Variants in PPM1H observed in about 807,000 individuals in gnomAD.
The protein encoded by PPM1H is protein phosphatase, Mg2+/Mn2+ dependent 1H.
In PPM1H, 27 loss-of-function variants were observed where a neutral mutation model predicts 54.9. The observed-to-expected ratio is 0.49, with a 90% CI of 0.36 to 0.68. The LOEUF (loss-of-function observed/expected upper bound fraction) is 0.68, where lower values mean the gene tolerates loss of function less well. Ranked by LOEUF, PPM1H falls within the 30% of genes least tolerant of loss-of-function variation. The pLI is 0.00. For missense variants in PPM1H, 596 were observed against 667.8 expected (o/e 0.89, Z 1.19); for synonymous variants, 305 against 270.8 (o/e 1.13, Z -1.24).
chr12:62,865,084 T>C (rs1189096447), intron 1 of PPM1H, among the ~76,000 whole-genome samples: 1 of 152,108 alleles, frequency 6.6e-6, no homozygotes, highest in African/African-American at 2.4e-5. Context: ...CCAAATCCTG[T>C]GGATAATTAT....
chr12:62,753,584 C>G (rs779812405), intron 4 of PPM1H, among the ~76,000 whole-genome samples: 25 of 152,212 alleles, frequency 1.6e-4, no homozygotes, highest in South Asian at 2.1e-4. Context: ...ATCCTCACCC[C>G]CTACTCTTGA....
chr12:62,882,348 A>G (rs1370196604), intron 1 of PPM1H, among the ~76,000 whole-genome samples: 1 of 152,266 alleles, frequency 6.6e-6, no homozygotes, highest in Non-Finnish European at 1.5e-5. Context: ...GGTGAGAGGT[A>G]TAACAGGTGC....
chr12:62,723,516 C>A (rs756619602), intron 5 of PPM1H, among the ~76,000 whole-genome samples: 1 of 152,068 alleles, frequency 6.6e-6, no homozygotes. Context: ...GAAGGTAGAG[C>A]CCTCGTGAAT....
At chr12:62,692,399 T>C (rs1186562018) in intron 7 of PPM1H, among the ~76,000 whole-genome samples, 1 of 152,256 alleles carries the variant, frequency 6.6e-6, no homozygotes, top group East Asian at 1.9e-4. Flanking sequence ...CTCCTTCAAA[T>C]CTTACTGCTA....
At chr12:62,784,670 C>T (rs1398227072) in intron 4 of PPM1H, among the ~76,000 whole-genome samples, 1 of 152,202 alleles carries the variant, frequency 6.6e-6, no homozygotes, top group African/African-American at 2.4e-5. Flanking sequence ...GCTCGTCAAT[C>T]AGTGATAATG....
chr12:62,892,943 T>G (rs952095907), intron 1 of PPM1H, among the ~76,000 whole-genome samples: 2 of 152,178 alleles, frequency 1.3e-5, no homozygotes, highest in Non-Finnish European at 2.9e-5. Context: ...AAAGTCCTGG[T>G]CCCTCACTTG....
intron 4 of PPM1H, among the ~76,000 whole-genome samples, chr12:62,784,276 A>G (rs2076658571): frequency 6.6e-6 from 1 of 152,278 alleles, no homozygotes; most frequent in Middle Eastern, 3.4e-3. Context: ...GAATGGTCCT[A>G]TGTCCTCTGA....
intron 4 of PPM1H, among the ~76,000 whole-genome samples, chr12:62,786,275 T>C (rs2076670874): frequency 6.6e-6 from 1 of 152,234 alleles, no homozygotes; most frequent in African/African-American, 2.4e-5. Flanking sequence ...CAGTGTGTTT[T>C]AAAAGCCCCT....
chr12:62,649,938 C>T lies in PPM1H; in HGVS notation c.1398-1302G>A, dbSNP rs533916405. On this transcript the variant is annotated intron_variant, in intron 9 of 9. Transcript: ENST00000228705. Reference sequence around the variant, plus strand: ...AAATCATCAAGATAATAAATGTCACCGTATAAGTCCTCTTGGAAGCCAGCC... The same window carrying T: ...AAATCATCAAGATAATAAATGTCACTGTATAAGTCCTCTTGGAAGCCAGCC... Among the ~76,000 whole-genome samples, 147 of 152,264 alleles carry T rather than the reference C, an allele frequency of 9.7e-4. 1 individual carries two copies. Among genetic ancestry groups the T allele is most frequent in the African/African-American group, 3.3e-3 (137 of 41,556 alleles).
At chr12:62,662,929 T>C (rs1388980563) in intron 9 of PPM1H, among the ~76,000 whole-genome samples, 2 of 152,236 alleles carry the variant, frequency 1.3e-5, no homozygotes, top group East Asian at 1.9e-4. Context: ...TTAATGTCTA[T>C]ATCCCTAAAC....
intron 9 of PPM1H, 89 bp from the exon 10 acceptor site, chr12:62,648,725 A>G (rs2075800135): frequency 1.4e-6 from 2 of 1,381,294 alleles, no homozygotes; most frequent in Admixed American, 2.2e-5. Context: ...AGGCATCACT[A>G]CAGTTGTATA....
chr12:62,792,348 A>T (rs907507613), intron 3 of PPM1H, among the ~76,000 whole-genome samples: 3 of 152,102 alleles, frequency 2.0e-5, no homozygotes, highest in Non-Finnish European at 4.4e-5. Flanking sequence ...TATTTCTTTC[A>T]CCTTTTTCTA....
At chr12:62,664,464 T>G (rs1367693401) in intron 9 of PPM1H, among the ~76,000 whole-genome samples, 1 of 152,220 alleles carries the variant, frequency 6.6e-6, no homozygotes, top group East Asian at 1.9e-4. Flanking sequence ...TTCTATTATT[T>G]TAACAGTTTT....
chr12:62,785,969 A>G (rs1386824521), intron 4 of PPM1H, among the ~76,000 whole-genome samples: 1 of 152,122 alleles, frequency 6.6e-6, no homozygotes, highest in Non-Finnish European at 1.5e-5. Flanking sequence ...CTTCTGACTC[A>G]GGTCATCTGG....
chr12:62,742,941 T>A (rs1019195807), intron 4 of PPM1H, among the ~76,000 whole-genome samples: 6 of 152,330 alleles, frequency 3.9e-5, no homozygotes, highest in Middle Eastern at 3.4e-3. Context: ...TGACATTAAT[T>A]CCAGTAAAAT....
At chr12:62,679,220 C>T (rs1034443004) in intron 8 of PPM1H, among the ~76,000 whole-genome samples, 5 of 150,362 alleles carry the variant, frequency 3.3e-5, no homozygotes, top group South Asian at 2.1e-4. Flanking sequence ...CTCTTGACCT[C>T]GTGATCTGCC....
intron 5 of PPM1H, among the ~76,000 whole-genome samples, chr12:62,728,073 C>T (rs1405521500): frequency 6.6e-6 from 1 of 152,110 alleles, no homozygotes; most frequent in Non-Finnish European, 1.5e-5. Context: ...GGAAACATAA[C>T]AGAATGCTAC....
At chr12:62,800,510 TG>T (rs1401466574) in intron 3 of PPM1H, among the ~76,000 whole-genome samples, 1 of 152,110 alleles carries the variant, frequency 6.6e-6, no homozygotes, top group Non-Finnish European at 1.5e-5. Context: ...CTAATTTTTT[TG>T]TATTTTTGGT....
chr12:62,760,741 G>A (rs937960132), intron 4 of PPM1H, among the ~76,000 whole-genome samples: 3 of 152,184 alleles, frequency 2.0e-5, no homozygotes, highest in Non-Finnish European at 2.9e-5. Flanking sequence ...AACCTGGAGC[G>A]ACTTAAATGT....
Sources: allele counts gnomAD v4.1 joint callset (sites outside exome capture counted in the v4.1 genomes callset), GRCh38; gene constraint gnomAD v4.1.1; transcripts MANE v1.5; gene names NCBI Gene and HGNC (gene_info 2026-07-23, HGNC 2026-07-21).